The following CD2 variants were observed in gnomAD, a reference collection of about 807,000 sequenced individuals.
CD2 encodes the protein T-cell surface antigen CD2.
CD2 carries 18 observed loss-of-function variants against 23.2 expected under a neutral mutation model. The ratio of observed to expected loss-of-function variants is 0.77; its 90% CI spans 0.54 to 1.15. The LOEUF (loss-of-function observed/expected upper bound fraction) is 1.15, where lower values mean the gene tolerates loss of function less well. Among genes scored for constraint, CD2 ranks in the 50% most tolerant of loss-of-function variants. CD2 has a pLI of 0.00. For missense variants in CD2, 424 were observed against 423.1 expected, an observed-to-expected ratio of 1.00 and a Z score of -0.02; for synonymous variants, 162 against 151.9, an observed-to-expected ratio of 1.07 and a Z score of -0.49.
chr1:116,756,918 C>A (rs1651868891), intron 2 of CD2, among the ~76,000 whole-genome samples: 1 of 151,996 alleles, frequency 6.6e-6, no homozygotes, highest in Non-Finnish European at 1.5e-5. Flanking sequence ...AAGTGTCCTG[C>A]AGTGCCTGGG....
intron 4 of CD2, among the ~76,000 whole-genome samples, chr1:116,766,769 G>A (rs905260671): frequency 3.9e-5 from 6 of 151,936 alleles, no homozygotes; most frequent in African/African-American, 1.5e-4. Flanking sequence ...AGGCTGAGGT[G>A]GGTGAATCAT....
rs993909887 is a variant in CD2 at position 116,764,547 on chromosome 1, T to C, written c.677T>C (p.Phe226Ser). 4 of 1,614,060 alleles carry C rather than the reference T, an allele frequency of 2.5e-6. No homozygotes were observed. The highest frequency in any genetic ancestry group is 2.5e-6 in the Non-Finnish European group (3 of 1,180,004). ...ICGGGSLLMV[F>S]VALLVFYITK... ...GGAGGAGGCAGCCTCTTGATGGTCT[T>C]TGTGGCACTGCTCGTTTTCTATATC... The change falls in exon 4 of 5, where the codon TTT becomes TCT. Residue 226 changes from phenylalanine to serine, a missense_variant. Transcript: ENST00000369478.
chr1:116,766,679 G>T (rs749484977), intron 4 of CD2, among the ~76,000 whole-genome samples: 2 of 151,692 alleles, frequency 1.3e-5, no homozygotes, highest in Non-Finnish European at 2.9e-5. Context: ...AATATAGTGA[G>T]ACCTGGTCTC....
chr1:116,760,756 C>T (rs1056266544), intron 3 of CD2, 124 bp downstream of exon 3: 10 of 711,182 alleles, frequency 1.4e-5, no homozygotes, highest in Non-Finnish European at 2.5e-5. Flanking sequence ...GGCATGAAAG[C>T]ATATCTCTTC....
rs1350120248 is a variant in CD2, at chr1:116,760,557, C to T, written c.538C>T (p.Leu180=). 1.2e-6 allele frequency: 2 copies of T among 1,614,200 alleles called. No individual in the cohort carries two copies. Among genetic ancestry groups the T allele is most frequent in the Non-Finnish European group, 1.7e-6 (2 of 1,180,040 alleles). Residue 180 remains leucine, a synonymous_variant, in exon 3 of 5, where the codon CTG becomes TTG. Transcript: ENST00000369478. ...RVITHKWTTS[L]SAKFKCTAGN... is the part of the protein sequence containing the mutation. ...CATCACACACAAGTGGACCACCAGCCTGAGTGCAAAATTCAAGTGCACAGC... is the reference window on the plus strand; with the variant it reads ...CATCACACACAAGTGGACCACCAGCTTGAGTGCAAAATTCAAGTGCACAGC...
chr1:116,756,612 A>G (rs567960674), intron 2 of CD2, among the ~76,000 whole-genome samples: 1 of 152,184 alleles, frequency 6.6e-6, no homozygotes, highest in East Asian at 1.9e-4. Context: ...TAATTCATCT[A>G]CCATTCAATT....
intron 2 of CD2, among the ~76,000 whole-genome samples, chr1:116,757,896 A>G (rs1651912091): frequency 6.6e-6 from 1 of 151,722 alleles, no homozygotes; most frequent in African/African-American, 2.4e-5. Context: ...CAGCCTCCTG[A>G]GTAGTTTGGA....
rs1384871031 is a variant in CD2 at position 116,768,602 on chromosome 1, C to A, written c.875C>A (p.Ala292Glu). 1 of 1,614,104 alleles carries A rather than the reference C, an allele frequency of 6.2e-7. No homozygotes were observed. The highest frequency in any genetic ancestry group is 1.7e-5 in the Admixed American group (1 of 60,012). Residue 292 changes from alanine to glutamate, a missense_variant, in exon 5 of 5, where the codon GCA becomes GAA. Ala to Glu is a moderately radical substitution (Grantham distance 107, BLOSUM62 -1). Transcript: ENST00000369478. ...CCACCACCTGGTCATCGTTCCCAGG[C>A]ACCTAGTCATCGTCCCCCGCCTCCT... is the stretch of plus-strand genomic sequence containing the variant. ...PPPPPGHRSQ[A>E]PSHRPPPPGH... is the part of the protein sequence containing the mutation.
intron 3 of CD2, among the ~76,000 whole-genome samples, chr1:116,763,680 G>A (rs990275358): frequency 9.2e-5 from 14 of 152,102 alleles, no homozygotes; most frequent in African/African-American, 3.4e-4. Context: ...TACAAAGAAG[G>A]AAACAGGCTC....
At chr1:116,759,285 G>T (rs1415028615) in intron 2 of CD2, among the ~76,000 whole-genome samples, 1 of 152,130 alleles carries the variant, frequency 6.6e-6, no homozygotes, top group African/African-American at 2.4e-5. Context: ...GTTTGACTAT[G>T]GTGTTCCATG....
At position 116,769,055 on chromosome 1, in the gene CD2, A is replaced by G; in HGVS notation, c.*272A>G. The G allele has an allele frequency of 2.4e-6, 1 of 414,580 alleles. No homozygotes were observed. Among genetic ancestry groups the G allele is most frequent in the East Asian group, 4.2e-5 (1 of 23,722 alleles). The allele number at this position is 414,580 out of a possible 1,614,324, so 25.7% of individuals were successfully genotyped here. On this transcript the variant is annotated 3_prime_UTR_variant, in exon 5 of 5. Transcript: ENST00000369478. ...AGAGGACCGAGCACAGAAATCTTAG[A>G]GATTTCTTGTCCCCTCTCAGGTCAT...
chr1:116,768,498 T>C lies in CD2; in HGVS notation c.771T>C (p.Ala257=). 6.2e-7 allele frequency: 1 copy of C among 1,614,144 alleles called. No homozygotes were observed. The highest frequency in any genetic ancestry group is 8.5e-7 in the Non-Finnish European group (1 of 1,180,022). The change falls in exon 5 of 5, where the codon GCT becomes GCC. Residue 257 remains alanine (A), a synonymous_variant. Transcript: ENST00000369478. The stretch of plus-strand genomic sequence containing the variant: ...TGGAGACAAGAGCCCACAGAGTAGC[T>C]ACTGAAGAAAGGGGCCGGAAGCCCC... ...EELETRAHRV[A]TEERGRKPHQ... is the part of the protein sequence containing the mutation.
intron 3 of CD2, among the ~76,000 whole-genome samples, chr1:116,762,133 G>A (rs1340006971): frequency 6.6e-6 from 1 of 152,172 alleles, no homozygotes; most frequent in Non-Finnish European, 1.5e-5. Flanking sequence ...GTGGCCTCGG[G>A]AGATCTTTGA....
chr1:116,755,116 G>C, intron 2 of CD2, 165 bp downstream of exon 2: 5 of 612,236 alleles, frequency 8.2e-6, no homozygotes, highest in Non-Finnish European at 1.5e-5. Context: ...GGTCCAATGC[G>C]GGAATGGGAT....
Position 116,768,718 on chromosome 1 carries a change from C to A in CD2, c.991C>A (p.Pro331Thr), listed in dbSNP as rs747762730. The stretch of plus-strand genomic sequence containing the variant: ...GCAGAAAGGCCCGCCCCTCCCCAGA[C>A]CTCGAGTTCAGCCAAAACCTCCCCA... Reference protein sequence around the residue: ...HQQKGPPLPRPRVQPKPPHGA... With the variant: ...HQQKGPPLPRTRVQPKPPHGA... The change falls in exon 5 of 5, where the codon CCT (proline) becomes ACT (threonine). Residue 331 changes from proline to threonine, a missense_variant. Coordinates refer to ENST00000369478, the MANE Select transcript of CD2 (RefSeq NM_001767.5). The A allele has an allele frequency of 1.9e-6, 3 of 1,614,162 alleles. No individual in the cohort carries two copies. The highest frequency in any genetic ancestry group is 1.1e-5 in the South Asian group (1 of 91,076).
At chr1:116,763,883 G>A (rs898069580) in intron 3 of CD2, among the ~76,000 whole-genome samples, 6 of 152,218 alleles carry the variant, frequency 3.9e-5, no homozygotes, top group African/African-American at 9.6e-5. Context: ...TGGCTCCAGG[G>A]AAACTCTGTG....
At chr1:116,765,585 ACAT>A (rs201204132) in intron 4 of CD2, among the ~76,000 whole-genome samples, 2,699 of 152,178 alleles carry the variant, frequency 0.018, 42 homozygotes, top group Middle Eastern at 0.034. Flanking sequence ...AGGCCCCGAA[ACAT>A]CATCCTGAAC....
In CD2 at chr1:116,769,164, T is replaced by TA; in HGVS notation, c.*382dup. The TA allele has an allele frequency of 5.8e-6, 1 of 172,308 alleles. No individual in the cohort carries two copies. The highest frequency in any genetic ancestry group is 1.7e-4 in the South Asian group (1 of 5,742). 10.7% of individuals were successfully genotyped at this position (172,308 alleles called of 1,614,324 possible). A position where few individuals can be genotyped will look rare whatever the true frequency, so the allele number is the denominator to read the frequency against. ...CTGCTTAAGAGACTCTGGAGTTTCTTATGTGCCCTGGTGGACACTTGCCCA... is the reference window on the plus strand; with the variant it reads ...CTGCTTAAGAGACTCTGGAGTTTCTTAATGTGCCCTGGTGGACACTTGCCCA... On this transcript the variant is annotated 3_prime_UTR_variant, in exon 5 of 5. Transcript: ENST00000369478.
chr1:116,762,623 T>A (rs1652091826), intron 3 of CD2, among the ~76,000 whole-genome samples: 1 of 152,116 alleles, frequency 6.6e-6, no homozygotes, highest in Non-Finnish European at 1.5e-5. Flanking sequence ...ATACTTAAAA[T>A]CAAAATACTA....
Sources: allele counts gnomAD v4.1 joint callset (sites outside exome capture counted in the v4.1 genomes callset), GRCh38; gene constraint gnomAD v4.1.1; transcripts MANE v1.5; gene names NCBI Gene and HGNC (gene_info 2026-07-23, HGNC 2026-07-21).